The following ADAM32 variants were observed in gnomAD, a reference collection of about 807,000 sequenced individuals.
ADAM32 encodes ADAM metallopeptidase domain 32.
ADAM32 carries 89 observed loss-of-function variants against 114.9 expected under a neutral mutation model. That is an observed-to-expected ratio of 0.77 (90% CI 0.65 to 0.92). The LOEUF is 0.92. Among genes scored for constraint, ADAM32 ranks in the 40% least tolerant of loss-of-function variants. The probability of loss-of-function intolerance (pLI) is 0.00; values close to 1 mark genes in which losing one functional copy is unlikely to be tolerated. For missense variants in ADAM32, 870 were observed against 932.8 expected, an observed-to-expected ratio of 0.93 and a Z score of 0.88; for synonymous variants, 285 against 307.5, an observed-to-expected ratio of 0.93 and a Z score of 0.77.
chr8:39,235,344 T>C (rs1325320754), intron 16 of ADAM32, among the ~76,000 whole-genome samples: 1 of 152,172 alleles, frequency 6.6e-6, no homozygotes, highest in Non-Finnish European at 1.5e-5. Context: ...TATATTTCAA[T>C]AGCCACTTTT....
chr8:39,216,816 G>C (rs150848695), intron 12 of ADAM32, among the ~76,000 whole-genome samples: 2 of 151,812 alleles, frequency 1.3e-5, no homozygotes, highest in East Asian at 3.9e-4. Flanking sequence ...GTCTTGAAAA[G>C]TTGTAGTTAT....
chr8:39,258,761 T>C (rs189424044), intron 19 of ADAM32, among the ~76,000 whole-genome samples: 11 of 152,318 alleles, frequency 7.2e-5, no homozygotes, highest in African/African-American at 2.4e-4. Context: ...CTTTGTCTTC[T>C]GTGAGAGGCA....
chr8:39,249,431 G>A (rs935243172), intron 17 of ADAM32, among the ~76,000 whole-genome samples: 3 of 152,014 alleles, frequency 2.0e-5, no homozygotes, highest in Non-Finnish European at 2.9e-5. Flanking sequence ...TCTTTGCATC[G>A]ACAGACATTT....
At chr8:39,234,253 C>G (rs955407144) in intron 16 of ADAM32, among the ~76,000 whole-genome samples, 171 bp downstream of exon 16, 1 of 151,920 alleles carries the variant, frequency 6.6e-6, no homozygotes, top group African/African-American at 2.4e-5. Flanking sequence ...ATGGGAACAT[C>G]GCACCCCACC....
At chr8:39,219,129 C>T (rs1808779518) in intron 12 of ADAM32, among the ~76,000 whole-genome samples, 1 of 152,084 alleles carries the variant, frequency 6.6e-6, no homozygotes, top group African/African-American at 2.4e-5. Context: ...ATCTGGTATC[C>T]AAGATGCAAG....
chr8:39,127,509 G>A (rs1802188584), intron 2 of ADAM32, among the ~76,000 whole-genome samples: 1 of 152,044 alleles, frequency 6.6e-6, no homozygotes, highest in Non-Finnish European at 1.5e-5. Flanking sequence ...GTATTTCTGT[G>A]GGGTCAATGG....
intron 21 of ADAM32, 57 bp downstream of exon 21, chr8:39,274,407 T>A: frequency 6.5e-7 from 1 of 1,535,400 alleles, no homozygotes; most frequent in Non-Finnish European, 8.9e-7. Context: ...AATTTATTGA[T>A]AATTCACAAT....
In ADAM32 at chr8:39,118,130, C is replaced by A; in HGVS notation, c.103C>A (p.Gln35Lys). ...ACAGATCGTAATTCCAGAGAAAATC[C>A]AAACAAATACAAATGACAGTTCAGA... is the stretch of plus-strand genomic sequence containing the variant. ...LLQIVIPEKI[Q>K]TNTNDSSEIE... Residue 35 changes from glutamine to lysine, a missense_variant, in exon 2 of 25, where the codon CAA becomes AAA. Coordinates refer to ENST00000379907, the MANE Select transcript of ADAM32 (RefSeq NM_145004.7). 2 of 1,486,386 alleles carry A rather than the reference C, an allele frequency of 1.3e-6. No homozygotes were observed. The highest frequency in any genetic ancestry group is 2.5e-5 in the Admixed American group (1 of 40,754). 92.1% of individuals were successfully genotyped at this position (1,486,386 alleles called of 1,614,324 possible).
intron 19 of ADAM32, among the ~76,000 whole-genome samples, chr8:39,269,180 C>A (rs1441179633): frequency 1.3e-5 from 2 of 152,162 alleles, no homozygotes; most frequent in African/African-American, 2.4e-5. Context: ...TTCCTAGGCC[C>A]CCAATTCTAT....
chr8:39,225,338 C>G lies in ADAM32; in HGVS notation c.1525+2100C>G, dbSNP rs114493400. On this transcript the variant is annotated intron_variant, in intron 14 of 24. Transcript: ENST00000379907. ...TCCATCTGCTCCACAAACACCCACT[C>G]TACTTCATACATCATTACTTATGTG... Among the ~76,000 whole-genome samples the G allele has an allele frequency of 5.4e-3, 823 of 152,332 alleles. 10 individuals are homozygous for G. The highest frequency in any genetic ancestry group is 0.019 in the African/African-American group (786 of 41,586).
At chr8:39,210,136 G>A (rs990216404) in intron 11 of ADAM32, among the ~76,000 whole-genome samples, 3 of 152,186 alleles carry the variant, frequency 2.0e-5, no homozygotes, top group Admixed American at 2.0e-4. Context: ...CTAGAAATCT[G>A]TGGGCACCAG....
At chr8:39,130,007 T>A (rs574711834) in intron 2 of ADAM32, 2 of 326,320 alleles carry the variant, frequency 6.1e-6, no homozygotes, top group African/African-American at 2.2e-5. Context: ...CAGGTTGGAG[T>A]GCAGTGGCAC....
chr8:39,220,565 C>T (rs945828277), intron 12 of ADAM32, among the ~76,000 whole-genome samples: 4 of 151,820 alleles, frequency 2.6e-5, no homozygotes, highest in African/African-American at 9.7e-5. Flanking sequence ...TATAAACTAC[C>T]ATCTTAGTAT....
chr8:39,170,911 A>T (rs1292028010), intron 10 of ADAM32, among the ~76,000 whole-genome samples: 1 of 152,140 alleles, frequency 6.6e-6, no homozygotes, highest in Non-Finnish European at 1.5e-5. Context: ...ACAAAATTAC[A>T]GTCAGGTAGA....
intron 10 of ADAM32, among the ~76,000 whole-genome samples, chr8:39,185,265 CAAAAAA>C (rs56073309): frequency 8.2e-6 from 1 of 121,576 alleles, no homozygotes; most frequent in Non-Finnish European, 1.7e-5. Flanking sequence ...AACTCCATCT[CAAAAAA>C]AAAAAAAAAA....
intron 11 of ADAM32, among the ~76,000 whole-genome samples, chr8:39,204,975 C>T (rs1332440726): frequency 6.6e-6 from 1 of 152,218 alleles, no homozygotes; most frequent in Non-Finnish European, 1.5e-5. Context: ...GCTGCCTGAT[C>T]ATTCCTCTGG....
At chr8:39,236,313 A>G (rs1424389112) in intron 16 of ADAM32, among the ~76,000 whole-genome samples, 1 of 152,124 alleles carries the variant, frequency 6.6e-6, no homozygotes, top group Non-Finnish European at 1.5e-5. Context: ...AAACTTTTGT[A>G]TGTGCAATTA....
At chr8:39,276,017 C>A (rs1345468272) in intron 22 of ADAM32, 151 bp downstream of exon 22, 2 of 576,272 alleles carry the variant, frequency 3.5e-6, no homozygotes, top group Non-Finnish European at 5.7e-6. Context: ...ATTTGCTGAT[C>A]TAGTAACTTG....
intron 9 of ADAM32, chr8:39,165,414 T>C: frequency 2.6e-6 from 1 of 392,142 alleles, no homozygotes; most frequent in Non-Finnish European, 4.4e-6. Context: ...AATGAAGACA[T>C]TGAGAGTTTC....
Sources: allele counts gnomAD v4.1 joint callset (sites outside exome capture counted in the v4.1 genomes callset), GRCh38; gene constraint gnomAD v4.1.1; transcripts MANE v1.5; gene names NCBI Gene and HGNC (gene_info 2026-07-23, HGNC 2026-07-21).